Variants in CSMD1 observed in about 807,000 individuals in gnomAD.
CSMD1 encodes CUB and sushi domain-containing protein 1.
Under a neutral mutation model 417.5 loss-of-function variants are expected in CSMD1, and 213 were observed. The observed-to-expected ratio is 0.51, with a 90% CI of 0.46 to 0.57. The LOEUF (loss-of-function observed/expected upper bound fraction) is 0.57. Ranked by LOEUF, CSMD1 falls within the 20% of genes least tolerant of loss-of-function variation. The pLI, the probability that CSMD1 is intolerant of heterozygous loss-of-function variation, is 0.00. For synonymous variants in CSMD1, 2,862 were observed against 1,736.8 expected (o/e 1.65, Z -16.11); for missense variants, 6,923 against 4,529.7 (o/e 1.53, Z -15.17).
intron 2 of CSMD1, among the ~76,000 whole-genome samples, chr8:4,435,410 C>T (rs181599615): frequency 6.6e-6 from 1 of 152,292 alleles, no homozygotes; most frequent in African/African-American, 2.4e-5. Context: ...CCAAAGAAGT[C>T]ACCATGCAGG....
chr8:4,962,529 T>A (rs947902311), intron 1 of CSMD1, among the ~76,000 whole-genome samples: 1 of 152,164 alleles, frequency 6.6e-6, no homozygotes, highest in Non-Finnish European at 1.5e-5. Flanking sequence ...GTTTTTATCT[T>A]ATGAAGCATG....
At chr8:4,932,556 C>T (rs1016719422) in intron 1 of CSMD1, among the ~76,000 whole-genome samples, 5 of 152,138 alleles carry the variant, frequency 3.3e-5, no homozygotes, top group African/African-American at 9.7e-5. Flanking sequence ...AAGCTTGTGA[C>T]GTGTGCTCTT....
intron 3 of CSMD1, among the ~76,000 whole-genome samples, chr8:4,251,190 G>A (rs990906630): frequency 6.6e-6 from 1 of 151,938 alleles, no homozygotes; most frequent in Admixed American, 6.6e-5. Flanking sequence ...AATAGAAAGT[G>A]AACAAGTTTA....
intron 25 of CSMD1, 126 bp downstream of exon 25, chr8:3,307,569 G>A: frequency 1.7e-6 from 2 of 1,148,094 alleles, no homozygotes; most frequent in South Asian, 1.6e-5. Context: ...TTTAGCTACA[G>A]CTTTACCTTT....
At chr8:4,640,086 T>C (rs1803101350) in intron 1 of CSMD1, among the ~76,000 whole-genome samples, 2 of 152,232 alleles carry the variant, frequency 1.3e-5, no homozygotes, top group Non-Finnish European at 2.9e-5. Context: ...TAGTTACTGT[T>C]ATAGACCCAT....
intron 6 of CSMD1, among the ~76,000 whole-genome samples, chr8:3,748,883 G>C (rs1376790324): frequency 2.0e-5 from 3 of 152,178 alleles, no homozygotes; most frequent in African/African-American, 4.8e-5. Context: ...GCCACTGTCA[G>C]GGTTTCCCTT....
intron 1 of CSMD1, among the ~76,000 whole-genome samples, chr8:4,904,822 G>C (rs778194010): frequency 6.6e-6 from 1 of 152,094 alleles, no homozygotes; most frequent in Non-Finnish European, 1.5e-5. Flanking sequence ...AGAAAGTCTG[G>C]CATGAAGATC....
In CSMD1 at chr8:3,216,128, TG is replaced by T. The variant is rs1293297873; in HGVS notation, c.4673-1438del. Among the ~76,000 whole-genome samples, 3 of 151,542 alleles carry T rather than the reference TG, an allele frequency of 2.0e-5. No individual in the cohort carries two copies. The East Asian group carries it at 5.8e-4, about 29-fold the overall frequency. On this transcript the variant is annotated intron_variant, in intron 29 of 69. Coordinates refer to ENST00000635120, the MANE Select transcript of CSMD1 (RefSeq NM_033225.6). ...ACATATATATTTTATATACATTTCT[TG>T]TTTTGTGCCTTCAAACCAGTGCTCT...
chr8:4,639,815 A>G (rs1468636611), intron 1 of CSMD1, among the ~76,000 whole-genome samples: 2 of 152,212 alleles, frequency 1.3e-5, no homozygotes, highest in African/African-American at 4.8e-5. Flanking sequence ...CAAAATCTTA[A>G]TAAAAAGATT....
intron 1 of CSMD1, among the ~76,000 whole-genome samples, chr8:4,900,288 C>T (rs907984551): frequency 4.6e-5 from 7 of 152,188 alleles, no homozygotes; most frequent in Non-Finnish European, 8.8e-5. Flanking sequence ...TCAGTATATG[C>T]AACTCATCCA....
chr8:4,180,466 T>G (rs1209673095), intron 3 of CSMD1, among the ~76,000 whole-genome samples: 1 of 149,774 alleles, frequency 6.7e-6, no homozygotes, highest in Non-Finnish European at 1.5e-5. Flanking sequence ...TTAGGAGATA[T>G]GCCTAATGCT....
intron 5 of CSMD1, among the ~76,000 whole-genome samples, chr8:3,824,627 C>G (rs1801944813): frequency 6.6e-6 from 1 of 152,104 alleles, no homozygotes; most frequent in Admixed American, 6.6e-5. Flanking sequence ...TAATGTTTTT[C>G]TACTGATTAC....
At chr8:3,421,241 G>T (rs1813469500) in intron 12 of CSMD1, among the ~76,000 whole-genome samples, 1 of 152,164 alleles carries the variant, frequency 6.6e-6, no homozygotes, top group Non-Finnish European at 1.5e-5. Flanking sequence ...TATAAAAGGT[G>T]GTGGTCTTCA....
chr8:4,007,140 G>T (rs1317510568), intron 4 of CSMD1, among the ~76,000 whole-genome samples: 1 of 151,884 alleles, frequency 6.6e-6, no homozygotes, highest in South Asian at 2.1e-4. Context: ...GCCTGGCCAC[G>T]ACTTTTACTA....
chr8:4,770,140 G>C (rs897844028), intron 1 of CSMD1, among the ~76,000 whole-genome samples: 1 of 150,918 alleles, frequency 6.6e-6, no homozygotes, highest in East Asian at 1.9e-4. Flanking sequence ...CATAGTACCA[G>C]AAGCAACATA....
At chr8:3,720,946 G>C (rs1363218430) in intron 6 of CSMD1, among the ~76,000 whole-genome samples, 1 of 151,954 alleles carries the variant, frequency 6.6e-6, no homozygotes, top group Non-Finnish European at 1.5e-5. Context: ...CTCCCAACTA[G>C]CTGGGATTAC....
chr8:4,263,196 T>TTCTAC (rs151258971), intron 3 of CSMD1, among the ~76,000 whole-genome samples: 1 of 152,064 alleles, frequency 6.6e-6, no homozygotes, highest in Non-Finnish European at 1.5e-5. Flanking sequence ...GTGCCGTGTA[T>TTCTAC]TCTAGTATTC....
chr8:3,243,147 G>T (rs957717664), intron 26 of CSMD1, among the ~76,000 whole-genome samples: 1 of 152,148 alleles, frequency 6.6e-6, no homozygotes, highest in African/African-American at 2.4e-5. Flanking sequence ...GAGGGAGGTT[G>T]GAGAAGAGAG....
intron 3 of CSMD1, among the ~76,000 whole-genome samples, chr8:4,139,740 A>G (rs1803667548): frequency 6.6e-6 from 1 of 151,156 alleles, no homozygotes; most frequent in African/African-American, 2.5e-5. Context: ...GTAGATGAGT[A>G]CAAAGAACCC....
Sources: allele counts gnomAD v4.1 joint callset (sites outside exome capture counted in the v4.1 genomes callset), GRCh38; gene constraint gnomAD v4.1.1; transcripts MANE v1.5; gene names NCBI Gene and HGNC (gene_info 2026-07-23, HGNC 2026-07-21).